The following CEP112 variants were observed in gnomAD, a reference collection of about 807,000 sequenced individuals.
The protein encoded by CEP112 is centrosomal protein 112.
In CEP112, 127 loss-of-function variants were observed where a neutral mutation model predicts 153.0. That is an observed-to-expected ratio of 0.83 (90% confidence interval 0.72 to 0.96). The LOEUF (loss-of-function observed/expected upper bound fraction) is 0.96, where lower values mean the gene tolerates loss of function less well. Ranked by LOEUF, CEP112 falls within the 40% of genes least tolerant of loss-of-function variation. The pLI is 0.00. For synonymous variants in CEP112, 358 were observed against 374.4 expected (o/e 0.96, Z 0.51); for missense variants, 1,089 against 1,101.2 (o/e 0.99, Z 0.16).
At chr17:66,081,007 T>G (rs2067695294) in intron 8 of CEP112, among the ~76,000 whole-genome samples, 2 of 150,756 alleles carry the variant, frequency 1.3e-5, no homozygotes, top group Non-Finnish European at 3.0e-5. Context: ...CACTGGGGAC[T>G]GTCAGGGGGT....
chr17:65,662,366 CTGCATCTTCTAATCTTTTTTTCATGA>C (rs1343649031), intron 24 of CEP112, among the ~76,000 whole-genome samples: 2 of 152,160 alleles, frequency 1.3e-5, no homozygotes, highest in Admixed American at 1.3e-4. Flanking sequence ...GAGCAAGAGG[CTGCATCTTCTAATCTTTTTTTCATGA>C]TTATTTTCAC....
chr17:65,730,576 G>C (rs1375296529), intron 23 of CEP112, among the ~76,000 whole-genome samples: 4 of 152,156 alleles, frequency 2.6e-5, no homozygotes, highest in Non-Finnish European at 5.9e-5. Flanking sequence ...ATACAGGGGA[G>C]ACAGGAATTA....
At chr17:65,773,060 C>T (rs77332170) in intron 21 of CEP112, among the ~76,000 whole-genome samples, 1,871 of 152,208 alleles carry the variant, frequency 0.012, 18 homozygotes, top group South Asian at 0.05. Flanking sequence ...TCACTGAAAC[C>T]GAGAGACCCA....
chr17:66,120,086 G>C lies in CEP112; in HGVS notation c.642+9660C>G, dbSNP rs182065556. Among the ~76,000 whole-genome samples the C allele has an allele frequency of 9.2e-5, 14 of 152,268 alleles. No homozygotes were observed. The South Asian group carries it at 1.0e-3, about 11-fold the overall frequency. ...GAAACTGGCCTCACAACACAAATTG[G>C]AAAGTGTTCCCTCTTCCGGTGGAGA... On this transcript the variant is annotated intron_variant, in intron 6 of 26. Transcript: ENST00000535342.
intron 20 of CEP112, among the ~76,000 whole-genome samples, chr17:65,872,716 C>G (rs1250524167): frequency 6.6e-6 from 1 of 152,102 alleles, no homozygotes. Flanking sequence ...GTTTCATTAG[C>G]TTAACATTTT....
In CEP112 at chr17:65,684,551, CCTTTT is replaced by C. The variant is rs1298519312; in HGVS notation, c.2697+4573_2697+4577del. Among the ~76,000 whole-genome samples the C allele has an allele frequency of 5.3e-5, 8 of 152,240 alleles. No homozygotes were observed. The East Asian group carries it at 1.5e-3, about 29-fold the overall frequency. ...AAACTTTTAGACTATTTATTTTCTT[CCTTTT>C]CTTTTCTATAATTTATCAAACCAAA... On this transcript the variant is annotated intron_variant, in intron 24 of 26. Transcript: ENST00000535342.
At chr17:66,082,218 T>C (rs1239284764) in intron 8 of CEP112, among the ~76,000 whole-genome samples, 2 of 152,154 alleles carry the variant, frequency 1.3e-5, no homozygotes, top group African/African-American at 2.4e-5. Context: ...CAAAAAGCCT[T>C]TCTTCAGATT....
chr17:66,088,781 A>C (rs1173447452), intron 8 of CEP112, among the ~76,000 whole-genome samples: 1 of 152,098 alleles, frequency 6.6e-6, no homozygotes, highest in Non-Finnish European at 1.5e-5. Context: ...CCCTCAGAAA[A>C]TAAGATTCCA....
intron 20 of CEP112, among the ~76,000 whole-genome samples, chr17:65,885,800 C>T (rs1423297401): frequency 6.6e-6 from 1 of 152,252 alleles, no homozygotes; most frequent in Non-Finnish European, 1.5e-5. Flanking sequence ...TCAGACAGCA[C>T]AGCTTTAAAT....
intron 21 of CEP112, among the ~76,000 whole-genome samples, chr17:65,812,814 G>A (rs2056056764): frequency 6.6e-6 from 1 of 152,074 alleles, no homozygotes; most frequent in African/African-American, 2.4e-5. Context: ...AATTTCTACA[G>A]ATGCCAATGC....
chr17:65,800,044 T>C (rs75441595), intron 21 of CEP112, among the ~76,000 whole-genome samples: 2,072 of 152,312 alleles, frequency 0.014, 48 homozygotes, highest in African/African-American at 0.047. Flanking sequence ...GTTTCTCACA[T>C]GTTCTTCTGC....
At chr17:65,791,043 G>T (rs2054565480) in intron 21 of CEP112, among the ~76,000 whole-genome samples, 1 of 150,874 alleles carries the variant, frequency 6.6e-6, no homozygotes, top group Non-Finnish European at 1.5e-5. Flanking sequence ...TTGGAATGGG[G>T]GGGAGGCTTA....
chr17:65,985,705 G>C (rs1380730549), intron 17 of CEP112, among the ~76,000 whole-genome samples: 1 of 152,162 alleles, frequency 6.6e-6, no homozygotes, highest in Admixed American at 6.5e-5. Flanking sequence ...GAGATCATGA[G>C]TCAGTCTTTG....
chr17:65,821,342 G>C (rs913681368), intron 21 of CEP112, among the ~76,000 whole-genome samples: 5 of 149,816 alleles, frequency 3.3e-5, no homozygotes, highest in Non-Finnish European at 7.4e-5. Context: ...AGAACACAAA[G>C]TTCAAAATAT....
chr17:66,177,170 A>G (rs2072516390), intron 2 of CEP112, 150 bp from the exon 3 acceptor site: 1 of 585,596 alleles, frequency 1.7e-6, no homozygotes, highest in African/African-American at 1.9e-5. Context: ...TTTAGGCTTC[A>G]CAGGCCATAT....
chr17:65,749,365 G>C (rs1228670981), intron 22 of CEP112, among the ~76,000 whole-genome samples: 1 of 151,992 alleles, frequency 6.6e-6, no homozygotes, highest in Non-Finnish European at 1.5e-5. Flanking sequence ...AAAATTAGCT[G>C]GGCGTGGTGG....
intron 23 of CEP112, among the ~76,000 whole-genome samples, chr17:65,695,347 A>T (rs2048304384): frequency 6.6e-6 from 1 of 152,220 alleles, no homozygotes; most frequent in Non-Finnish European, 1.5e-5. Context: ...TAACATGCCC[A>T]TTGAATGGCA....
intron 6 of CEP112, among the ~76,000 whole-genome samples, chr17:66,101,630 T>TA (rs35682317): frequency 6.9e-4 from 104 of 150,260 alleles, no homozygotes; most frequent in African/African-American, 2.2e-3. Flanking sequence ...ATAAAAATTG[T>TA]AAAAAAAAAA....
intron 24 of CEP112, among the ~76,000 whole-genome samples, chr17:65,654,142 G>T (rs1306489687): frequency 1.3e-5 from 2 of 151,062 alleles, no homozygotes; most frequent in African/African-American, 4.9e-5. Context: ...TAGTACAGGT[G>T]AGAAAATGTA....
Sources: gnomAD v4.1 joint callset for allele counts (sites outside exome capture counted in the v4.1 genomes callset) on GRCh38, gnomAD v4.1.1 for gene constraint, MANE v1.5 for transcripts, NCBI Gene and HGNC (gene_info 2026-07-23, HGNC 2026-07-21) for gene names.